The following ARHGAP21 variants were observed in gnomAD, a reference collection of about 807,000 sequenced individuals.
The protein encoded by ARHGAP21 is rho GTPase-activating protein 21.
A neutral mutation model predicts 164.6 loss-of-function variants in ARHGAP21; 38 were observed. The observed-to-expected ratio is 0.23, with a 90% CI of 0.18 to 0.30. The LOEUF (loss-of-function observed/expected upper bound fraction) is 0.30. Ranked by LOEUF, ARHGAP21 falls within the 10% of genes least tolerant of loss-of-function variation. The pLI, the probability that ARHGAP21 is intolerant of heterozygous loss-of-function variation, is 1.00. For missense variants in ARHGAP21, 1,822 were observed against 2,370.7 expected (o/e 0.77, Z 4.81); for synonymous variants, 766 against 857.9 (o/e 0.89, Z 1.87).
At chr10:24,593,392 C>T (rs1247001346) in intron 21 of ARHGAP21, among the ~76,000 whole-genome samples, 1 of 152,152 alleles carries the variant, frequency 6.6e-6, no homozygotes, top group Non-Finnish European at 1.5e-5. Context: ...CAGAAGTCTA[C>T]CATCTCAAAT....
At chr10:24,621,552 CAAAT>C in intron 8 of ARHGAP21, among the ~76,000 whole-genome samples, 183 bp from the exon 9 acceptor site, 1 of 152,302 alleles carries the variant, frequency 6.6e-6, no homozygotes, top group East Asian at 1.9e-4. Flanking sequence ...TCTCAGAAAT[CAAAT>C]AAACTGTAGA....
intron 3 of ARHGAP21, among the ~76,000 whole-genome samples, chr10:24,668,259 T>C (rs916404271): frequency 2.6e-5 from 4 of 152,224 alleles, no homozygotes; most frequent in East Asian, 1.9e-4. Flanking sequence ...CAAAGTTGTT[T>C]TGGTGTAACA....
intron 2 of ARHGAP21, among the ~76,000 whole-genome samples, chr10:24,672,629 C>T (rs913394495): frequency 9.2e-5 from 14 of 152,266 alleles, no homozygotes; most frequent in African/African-American, 3.4e-4. Flanking sequence ...AAGTTAATCC[C>T]AGCATTTTGA....
At chr10:24,684,672 T>C (rs1842060098) in intron 2 of ARHGAP21, among the ~76,000 whole-genome samples, 1 of 152,194 alleles carries the variant, frequency 6.6e-6, no homozygotes, top group South Asian at 2.1e-4. Context: ...AGGATCTTAC[T>C]CTCTCACCCA....
intron 17 of ARHGAP21, 39 bp from the exon 18 acceptor site, chr10:24,596,082 C>A: frequency 1.3e-6 from 2 of 1,515,268 alleles, no homozygotes; most frequent in African/African-American, 1.4e-5. Flanking sequence ...TAATGCAGCA[C>A]AAATGTTTAG....
rs777206494 is a variant in ARHGAP21, at chr10:24,621,035, T to A, written c.860A>T (p.Asn287Ile). 1 of 1,614,006 alleles carries A rather than the reference T, an allele frequency of 6.2e-7. No homozygotes were observed. The change falls in exon 9 of 26, where the codon AAT (asparagine) becomes ATT (isoleucine). Residue 287 changes from asparagine to isoleucine, a missense_variant. Physicochemically the swap from Asn to Ile is moderately radical, Grantham distance 149. Coordinates refer to ENST00000396432, the MANE Select transcript of ARHGAP21 (RefSeq NM_020824.4). ...PSEKVVDLLS[N>I]RNNHTGPSHR... ...TGAAGGACCTGTATGGTTGTTTCTATTGGATAACAAATCTACAACCTTCTC... is the reference window on the plus strand; with the variant it reads ...TGAAGGACCTGTATGGTTGTTTCTAATGGATAACAAATCTACAACCTTCTC...
At chr10:24,586,567 A>T (rs1009161174) in intron 25 of ARHGAP21, among the ~76,000 whole-genome samples, 2 of 152,216 alleles carry the variant, frequency 1.3e-5, no homozygotes, top group Admixed American at 6.5e-5. Context: ...TTAAATGTTT[A>T]TGACTGACTT....
intron 7 of ARHGAP21, among the ~76,000 whole-genome samples, chr10:24,626,537 T>C (rs1400445851): frequency 6.6e-6 from 1 of 152,174 alleles, no homozygotes; most frequent in Non-Finnish European, 1.5e-5. Context: ...CAAATCTACC[T>C]GAGCCTTGAC....
intron 19 of ARHGAP21, among the ~76,000 whole-genome samples, 175 bp from the exon 20 acceptor site, chr10:24,595,365 C>G (rs568720993): frequency 6.6e-6 from 1 of 152,242 alleles, no homozygotes; most frequent in Non-Finnish European, 1.5e-5. Context: ...TTTACACAGC[C>G]TGTCCATTCC....
intron 3 of ARHGAP21, among the ~76,000 whole-genome samples, chr10:24,667,797 AC>A (rs1237965670): frequency 6.6e-6 from 1 of 151,370 alleles, no homozygotes; most frequent in African/African-American, 2.4e-5. Context: ...CTAGTCTGAG[AC>A]TGAGGTTGCC....
chr10:24,622,084 TTTAC>T (rs997513212), intron 8 of ARHGAP21, among the ~76,000 whole-genome samples: 3 of 152,154 alleles, frequency 2.0e-5, no homozygotes, highest in African/African-American at 7.2e-5. Flanking sequence ...TTTGGTCTCC[TTTAC>T]TTATTATAAG....
chr10:24,618,971 T>G (rs1446885809), intron 9 of ARHGAP21, among the ~76,000 whole-genome samples: 1 of 152,208 alleles, frequency 6.6e-6, no homozygotes, highest in Non-Finnish European at 1.5e-5. Flanking sequence ...GCTTATAATT[T>G]AAGTAACTTC....
chr10:24,615,915 C>T (rs1833900606), intron 9 of ARHGAP21, among the ~76,000 whole-genome samples: 1 of 152,118 alleles, frequency 6.6e-6, no homozygotes, highest in Non-Finnish European at 1.5e-5. Context: ...GCTGGGCTCA[C>T]AGGCACCCCA....
intron 4 of ARHGAP21, among the ~76,000 whole-genome samples, chr10:24,651,118 C>A (rs1004867657): frequency 6.6e-6 from 1 of 152,220 alleles, no homozygotes; most frequent in African/African-American, 2.4e-5. Flanking sequence ...TGTTCCTCTG[C>A]ACACCTCCTT....
In ARHGAP21 at chr10:24,595,707, G is replaced by A. The variant is rs771534873; in HGVS notation, c.3712+10C>T. 2 of 1,607,350 alleles carry A rather than the reference G, an allele frequency of 1.2e-6. No homozygotes were observed. The highest frequency in any genetic ancestry group is 1.7e-6 in the Non-Finnish European group (2 of 1,175,092). On this transcript the variant is annotated intron_variant, in intron 19 of 25. Transcript: ENST00000396432. ...ATTTCATCTGGTATCTTTCACGGGAGTTAACTCACCATTTGTGAAGAGAGG... is the reference window on the plus strand; with the variant it reads ...ATTTCATCTGGTATCTTTCACGGGAATTAACTCACCATTTGTGAAGAGAGG...
In ARHGAP21 at chr10:24,723,835, C is replaced by T. The variant is rs1846163312; in HGVS notation, c.-654G>A. Among the ~76,000 whole-genome samples, 1 of 149,872 alleles carries T rather than the reference C, an allele frequency of 6.7e-6. No homozygotes were observed. The highest frequency in any genetic ancestry group is 1.5e-5 in the Non-Finnish European group (1 of 67,372). ...CCGCCGGACTCTCCCCTCGCCTCGC[C>T]GGGCCGGGCCGGGGCCCAGCTCCGG... On this transcript the variant is annotated 5_prime_UTR_variant, in exon 1 of 26. Transcript: ENST00000396432.
At chr10:24,606,253 T>TA (rs1267254626) in intron 11 of ARHGAP21, among the ~76,000 whole-genome samples, 1 of 151,840 alleles carries the variant, frequency 6.6e-6, no homozygotes, top group African/African-American at 2.4e-5. Context: ...TTGCATGGTT[T>TA]AAAAAAAATG....
At chr10:24,644,026 T>G (rs1425159177) in intron 4 of ARHGAP21, among the ~76,000 whole-genome samples, 3 of 152,164 alleles carry the variant, frequency 2.0e-5, no homozygotes, top group Admixed American at 6.5e-5. Context: ...CATAAACCTC[T>G]TTAACTTGCT....
At chr10:24,691,694 C>T (rs1011474289) in intron 2 of ARHGAP21, among the ~76,000 whole-genome samples, 16 of 152,054 alleles carry the variant, frequency 1.1e-4, no homozygotes, top group South Asian at 4.1e-4. Flanking sequence ...TTTCTGGAAA[C>T]ATTATAAGAT....
Sources: gnomAD v4.1 joint callset for allele counts (sites outside exome capture counted in the v4.1 genomes callset) on GRCh38, gnomAD v4.1.1 for gene constraint, MANE v1.5 for transcripts, NCBI Gene and HGNC (gene_info 2026-07-23, HGNC 2026-07-21) for gene names.